TUT4: variants seen among roughly 807,000 people sequenced by gnomAD.
TUT4 encodes terminal uridylyltransferase 4.
A neutral mutation model predicts 192.2 loss-of-function variants in TUT4; 36 were observed. The ratio of observed to expected loss-of-function variants is 0.19; its 90% CI spans 0.14 to 0.25. TUT4 has a LOEUF of 0.25. TUT4 is among the 10% of genes least tolerant of loss of function. TUT4 has a pLI of 1.00. For synonymous variants in TUT4, 618 were observed against 666.0 expected (o/e 0.93, Z 1.11); for missense variants, 1,493 against 1,957.2 (o/e 0.76, Z 4.47).
intron 28 of TUT4, among the ~76,000 whole-genome samples, chr1:52,428,288 C>A (rs755627175): frequency 3.3e-5 from 5 of 151,842 alleles, no homozygotes; most frequent in African/African-American, 4.8e-5. Flanking sequence ...GAGATCGAGA[C>A]CATCCTGGCC....
chr1:52,547,821 G>GT (rs1490756438), intron 1 of TUT4, among the ~76,000 whole-genome samples: 1 of 152,164 alleles, frequency 6.6e-6, no homozygotes, highest in African/African-American at 2.4e-5. Context: ...TTCTAGAGAC[G>GT]TAGCTTAGTG....
chr1:52,478,648 A>T (rs574926144), intron 11 of TUT4, among the ~76,000 whole-genome samples: 4 of 152,180 alleles, frequency 2.6e-5, no homozygotes, highest in African/African-American at 4.8e-5. Context: ...GAGGGGAGAG[A>T]CAATTTAACA....
chr1:52,423,695 G>T lies in TUT4; in HGVS notation c.*240C>A. On this transcript the variant is annotated 3_prime_UTR_variant, in exon 30 of 30. Coordinates refer to ENST00000257177, the MANE Select transcript of TUT4 (RefSeq NM_001009881.3). Reference sequence around the variant, plus strand: ...TGTATCACTCAATTTGGTGATACTAGTAAAAACTATAGTTCATATTTATAT... The same window carrying T: ...TGTATCACTCAATTTGGTGATACTATTAAAAACTATAGTTCATATTTATAT... 1.1e-6 allele frequency: 1 copy of T among 878,916 alleles called. No homozygotes were observed. Among genetic ancestry groups the T allele is most frequent in the Non-Finnish European group, 1.6e-6 (1 of 613,678 alleles). 54.4% of individuals were successfully genotyped at this position (878,916 alleles called of 1,614,324 possible).
At chr1:52,519,872 T>C (rs1380806039) in intron 2 of TUT4, among the ~76,000 whole-genome samples, 1 of 151,980 alleles carries the variant, frequency 6.6e-6, no homozygotes, top group Non-Finnish European at 1.5e-5. Context: ...GTATATACTT[T>C]AAAAGGATGA....
In TUT4 at chr1:52,475,156, A is replaced by T. The variant is rs376483871; in HGVS notation, c.2403T>A (p.Ser801=). ...ADHGQDSSSL[S]TSKSSEIEPK... is the part of the protein sequence containing the mutation. ...GCTCTATTTCACTGCTTTTGCTGGT[A>T]GAAAGAGATGAAGAGTCCTGTCCGT... is the stretch of plus-strand genomic sequence containing the variant. Residue 801 remains serine, a synonymous_variant, in exon 13 of 30, where the codon TCT becomes TCA. Transcript: ENST00000257177. 1 of 1,614,162 alleles carries T rather than the reference A, an allele frequency of 6.2e-7. No homozygotes were observed. Among genetic ancestry groups the T allele is most frequent in the Admixed American group, 1.7e-5 (1 of 60,022 alleles).
At chr1:52,521,501 C>T (rs1680267801) in intron 2 of TUT4, among the ~76,000 whole-genome samples, 1 of 151,574 alleles carries the variant, frequency 6.6e-6, no homozygotes, top group Non-Finnish European at 1.5e-5. Context: ...CCCATCTTTA[C>T]TAAAAATACA....
At chr1:52,475,650 G>GT (rs1330258689) in intron 12 of TUT4, 115 bp from the exon 13 acceptor site, 1 of 995,742 alleles carries the variant, frequency 1.0e-6, no homozygotes, top group Admixed American at 3.0e-5. Context: ...TTCCCAAGGG[G>GT]TTTTTCTAAG....
intron 4 of TUT4, among the ~76,000 whole-genome samples, chr1:52,503,963 T>C (rs967042598): frequency 1.3e-5 from 2 of 152,188 alleles, no homozygotes; most frequent in African/African-American, 4.8e-5. Context: ...CAAACCTGAA[T>C]CTCCAACTGC....
At chr1:52,536,893 C>T (rs1332748428) in intron 1 of TUT4, among the ~76,000 whole-genome samples, 9 of 146,836 alleles carry the variant, frequency 6.1e-5, no homozygotes, top group Non-Finnish European at 1.1e-4. Flanking sequence ...AGGCCGGGCG[C>T]GGTGGCTCAC....
intron 2 of TUT4, among the ~76,000 whole-genome samples, chr1:52,521,672 CA>C (rs901605615): frequency 6.9e-6 from 1 of 145,152 alleles, no homozygotes; most frequent in Admixed American, 7.0e-5. Context: ...CAAAAAACAA[CA>C]AAAAAAAGAC....
At chr1:52,429,299 A>ATGTGCT (rs766374947) in intron 28 of TUT4, among the ~76,000 whole-genome samples, 193 of 151,672 alleles carry the variant, frequency 1.3e-3, no homozygotes, top group Non-Finnish European at 1.9e-3. Flanking sequence ...GTTAGCCAGG[A>ATGTGCT]TGTGCTTGAT....
chr1:52,529,191 T>A (rs917451472), intron 1 of TUT4, among the ~76,000 whole-genome samples: 7 of 152,066 alleles, frequency 4.6e-5, no homozygotes, highest in African/African-American at 1.4e-4. Flanking sequence ...TATTTAAAAA[T>A]TTTTTAATTA....
At position 52,481,939 on chromosome 1, in the gene TUT4, G is replaced by GA; in HGVS notation, c.1516-17dup. 6.8e-7 allele frequency: 1 copy of GA among 1,480,134 alleles called. No homozygotes were observed. Among genetic ancestry groups the GA allele is most frequent in the Non-Finnish European group, 8.9e-7 (1 of 1,119,416 alleles). 91.7% of individuals were successfully genotyped at this position (1,480,134 alleles called of 1,614,324 possible). Reference sequence around the variant, plus strand: ...TATAGCACAACTGCAAAATGAAGGGGAAAAAAGTACTACCATTTAGCTTTC... The same window carrying GA: ...TATAGCACAACTGCAAAATGAAGGGGAAAAAAAGTACTACCATTTAGCTTTC... On this transcript the variant is annotated splice_polypyrimidine_tract_variant and intron_variant, in intron 9 of 29. Coordinates refer to ENST00000257177, the MANE Select transcript of TUT4 (RefSeq NM_001009881.3).
At chr1:52,428,114 A>C (rs554649889) in intron 28 of TUT4, among the ~76,000 whole-genome samples, 80 of 152,348 alleles carry the variant, frequency 5.3e-4, no homozygotes, top group African/African-American at 1.7e-3. Context: ...TATAAAGGAC[A>C]GTTAAGAGAG....
rs1164369694 is a variant in TUT4 at position 52,438,269 on chromosome 1, C to A, written c.3889G>T (p.Val1297Leu). 6.2e-7 allele frequency: 1 copy of A among 1,613,818 alleles called. No individual in the cohort carries two copies. Among genetic ancestry groups the A allele is most frequent in the Non-Finnish European group, 8.5e-7 (1 of 1,179,940 alleles). Reference protein sequence around the residue: ...ELAPNDRCCRVCGKIGHYMKD... With the variant: ...ELAPNDRCCRLCGKIGHYMKD... The stretch of plus-strand genomic sequence containing the variant: ...ATGTAGTGGCCTATTTTTCCACACA[C>A]ACGGCAACATCTATCATTGGGAGCC... Residue 1297 changes from valine to leucine, a missense_variant, in exon 25 of 30, where the codon GTG (valine) becomes TTG (leucine). Physicochemically the swap from Val to Leu is conservative, Grantham distance 32 (BLOSUM62 1). Around this residue, in one of 7 missense-constraint regions of TUT4, gnomAD observed 141 missense variants for 382.7 expected, o/e 0.37. Transcript: ENST00000257177.
intron 14 of TUT4, among the ~76,000 whole-genome samples, chr1:52,470,592 CACA>C (rs1450422226): frequency 7.9e-5 from 12 of 151,822 alleles, no homozygotes; most frequent in African/African-American, 2.7e-4. Flanking sequence ...ACCACCGATA[CACA>C]ACAACATAAA....
intron 12 of TUT4, among the ~76,000 whole-genome samples, chr1:52,476,520 T>C (rs1051339660): frequency 6.6e-6 from 1 of 152,112 alleles, no homozygotes; most frequent in Non-Finnish European, 1.5e-5. Flanking sequence ...CTGAAGATCT[T>C]TTGGTATTAA....
chr1:52,434,207 C>T (rs748308613), intron 27 of TUT4: 1 of 152,122 alleles, frequency 6.6e-6, no homozygotes, highest in Non-Finnish European at 1.5e-5. Flanking sequence ...AAATGTTTTC[C>T]AAAGATTCTC....
At chr1:52,496,308 A>T (rs1292537549) in intron 5 of TUT4, among the ~76,000 whole-genome samples, 2 of 152,158 alleles carry the variant, frequency 1.3e-5, no homozygotes, top group Non-Finnish European at 2.9e-5. Flanking sequence ...TTTTACATGT[A>T]ACTTAAACAA....
Sources: allele counts gnomAD v4.1 joint callset (sites outside exome capture counted in the v4.1 genomes callset), GRCh38; gene constraint gnomAD v4.1.1; regional missense constraint gnomAD v4.1.1; transcripts MANE v1.5; gene names NCBI Gene and HGNC (gene_info 2026-07-23, HGNC 2026-07-21).